ZBTB20: variants seen among roughly 807,000 people sequenced by gnomAD.
The protein encoded by ZBTB20 is zinc finger and BTB domain-containing protein 20.
A neutral mutation model predicts 56.9 loss-of-function variants in ZBTB20; 9 were observed. That is an observed-to-expected ratio of 0.16 (90% CI 0.10 to 0.28). The LOEUF (loss-of-function observed/expected upper bound fraction) is 0.28, where lower values mean the gene tolerates loss of function less well. Among genes scored for constraint, ZBTB20 ranks in the 10% least tolerant of loss-of-function variants. The pLI, the probability that ZBTB20 is intolerant of heterozygous loss-of-function variation, is 1.00. For synonymous variants in ZBTB20, 417 were observed against 420.7 expected (o/e 0.99, Z 0.11); for missense variants, 655 against 1,003.0 (o/e 0.65, Z 4.69).
chr3:115,011,794 G>A (rs1478102067), intron 2 of ZBTB20, among the ~76,000 whole-genome samples: 1 of 151,740 alleles, frequency 6.6e-6, no homozygotes, highest in African/African-American at 2.4e-5. Flanking sequence ...TGTATAAACT[G>A]CTATCTCTTA....
At chr3:115,000,123 A>G (rs2079189738) in intron 2 of ZBTB20, among the ~76,000 whole-genome samples, 1 of 151,534 alleles carries the variant, frequency 6.6e-6, no homozygotes. Context: ...ATACCATCTA[A>G]TATTTAACTT....
At chr3:115,096,892 T>C (rs1560569646) in intron 1 of ZBTB20, among the ~76,000 whole-genome samples, 1 of 152,192 alleles carries the variant, frequency 6.6e-6, no homozygotes, top group South Asian at 2.1e-4. Flanking sequence ...AATTCAAAAA[T>C]AGATAAATAA....
At chr3:114,422,529 C>T (rs1261178852) in intron 7 of ZBTB20, among the ~76,000 whole-genome samples, 1 of 152,132 alleles carries the variant, frequency 6.6e-6, no homozygotes, top group African/African-American at 2.4e-5. Context: ...ATTTACCCTG[C>T]ACCCCCAATT....
chr3:114,622,743 T>C (rs2058406097), intron 6 of ZBTB20, among the ~76,000 whole-genome samples: 1 of 152,212 alleles, frequency 6.6e-6, no homozygotes, highest in Admixed American at 6.5e-5. Flanking sequence ...AACAGGCACA[T>C]ACAATATACA....
chr3:114,990,378 T>A (rs904300885), intron 2 of ZBTB20, among the ~76,000 whole-genome samples: 4 of 152,192 alleles, frequency 2.6e-5, no homozygotes, highest in African/African-American at 9.7e-5. Flanking sequence ...TTTTTGTCTT[T>A]GGTTCTGTTT....
chr3:114,392,329 C>T (rs2085951409), intron 7 of ZBTB20, among the ~76,000 whole-genome samples: 1 of 152,102 alleles, frequency 6.6e-6, no homozygotes, highest in African/African-American at 2.4e-5. Context: ...GATATATGCC[C>T]CGTTCTCCAT....
Position 114,418,585 on chromosome 3 carries a change from T to TAA in ZBTB20, c.-254-29482_-254-29481dup, listed in dbSNP as rs11393775. Among the ~76,000 whole-genome samples the TAA allele has an allele frequency of 3.8e-3, 556 of 147,312 alleles. 1 individual carries two copies. Among genetic ancestry groups the TAA allele is most frequent in the African/African-American group, 0.01 (407 of 40,140 alleles). On this transcript the variant is annotated intron_variant, in intron 7 of 11. Transcript: ENST00000675478. The stretch of plus-strand genomic sequence containing the variant: ...AAAGACTAATAGATCTTGAGTATAT[T>TAA]AAAAAAAAAAAAATCAAGCAGTGAG...
intron 6 of ZBTB20, among the ~76,000 whole-genome samples, chr3:114,616,294 A>G (rs2057937161): frequency 6.6e-6 from 1 of 152,246 alleles, no homozygotes. Context: ...AAATGAATGC[A>G]GCAAACTCTC....
At chr3:114,434,218 A>C (rs1253875307) in intron 7 of ZBTB20, among the ~76,000 whole-genome samples, 1 of 152,160 alleles carries the variant, frequency 6.6e-6, no homozygotes, top group Non-Finnish European at 1.5e-5. Context: ...TCAGTCTTCC[A>C]AATGAGGGAA....
At chr3:114,496,064 C>CAAG (rs2043252284) in intron 7 of ZBTB20, among the ~76,000 whole-genome samples, 9 of 152,042 alleles carry the variant, frequency 5.9e-5, no homozygotes, top group African/African-American at 2.2e-4. Context: ...GATCTTATAA[C>CAAG]CATCACAAAA....
chr3:114,852,245 C>T lies in ZBTB20; in HGVS notation c.-417+48059G>A, dbSNP rs979463034. Among the ~76,000 whole-genome samples the T allele has an allele frequency of 8.6e-5, 13 of 151,634 alleles. No individual in the cohort carries two copies. The East Asian group carries it at 2.3e-3, about 27-fold the overall frequency. On this transcript the variant is annotated intron_variant, in intron 4 of 11. Coordinates refer to ENST00000675478, the MANE Select transcript of ZBTB20 (RefSeq NM_001348800.3). ...CCTGTTTATCTAGTTTTTGAACTTT[C>T]ATTTTATTTTATTTTATTTTATTTA...
intron 7 of ZBTB20, among the ~76,000 whole-genome samples, chr3:114,464,269 T>A (rs891168116): frequency 2.0e-5 from 3 of 152,288 alleles, no homozygotes; most frequent in South Asian, 2.1e-4. Flanking sequence ...TTAATTTTTT[T>A]AAAAAAACAT....
At chr3:114,700,298 C>T (rs1485118351) in intron 5 of ZBTB20, among the ~76,000 whole-genome samples, 2 of 151,992 alleles carry the variant, frequency 1.3e-5, no homozygotes, top group East Asian at 1.9e-4. Context: ...GTGATATCCT[C>T]AGAAACTACA....
At chr3:114,579,746 C>A (rs2054455431) in intron 6 of ZBTB20, among the ~76,000 whole-genome samples, 1 of 150,768 alleles carries the variant, frequency 6.6e-6, no homozygotes, top group African/African-American at 2.4e-5. Context: ...AACATAAGGA[C>A]AAAAAATTAA....
intron 1 of ZBTB20, chr3:115,100,467 A>G (rs2083549714): frequency 6.6e-6 from 1 of 152,478 alleles, no homozygotes; most frequent in South Asian, 2.1e-4. Flanking sequence ...AAAGAAACAG[A>G]GAGAAAGGCA....
At chr3:114,915,463 T>G (rs2075708110) in intron 3 of ZBTB20, among the ~76,000 whole-genome samples, 1 of 151,960 alleles carries the variant, frequency 6.6e-6, no homozygotes, top group African/African-American at 2.4e-5. Context: ...GTCTTCTATC[T>G]TTTTTTCTGT....
At position 114,413,298 on chromosome 3, in the gene ZBTB20, T is replaced by A. The variant is rs190906455; in HGVS notation, c.-254-24193A>T. Among the ~76,000 whole-genome samples the A allele has an allele frequency of 2.6e-5, 4 of 152,272 alleles. No homozygotes were observed. In the East Asian group the frequency reaches 7.7e-4, roughly 29 times the overall value. On this transcript the variant is annotated intron_variant, in intron 7 of 11. Coordinates refer to ENST00000675478, the MANE Select transcript of ZBTB20 (RefSeq NM_001348800.3). ...TCTAGTATACGTGAACTGGAAGTCA[T>A]CTTACTACTTTTCAAAAGAAACAAT...
chr3:115,129,276 A>G (rs1005977597), intron 1 of ZBTB20, among the ~76,000 whole-genome samples: 8 of 152,200 alleles, frequency 5.3e-5, no homozygotes, highest in Non-Finnish European at 1.2e-4. Context: ...ACTTTGGAAA[A>G]AGAGTCCGGT....
chr3:114,786,830 T>C (rs1471617073), intron 5 of ZBTB20, among the ~76,000 whole-genome samples: 2 of 152,124 alleles, frequency 1.3e-5, no homozygotes, highest in East Asian at 1.9e-4. Context: ...GAAACTCTTA[T>C]ACATTGCCAG....
Sources: allele counts gnomAD v4.1 joint callset (sites outside exome capture counted in the v4.1 genomes callset), GRCh38; gene constraint gnomAD v4.1.1; transcripts MANE v1.5; gene names NCBI Gene and HGNC (gene_info 2026-07-23, HGNC 2026-07-21).